ADGRG4: variants seen among roughly 807,000 people sequenced by gnomAD.
ADGRG4 encodes the protein G protein-coupled receptor 112.
In ADGRG4, 122 loss-of-function variants were observed where a neutral mutation model predicts 126.2. That is an observed-to-expected ratio of 0.97 (90% CI 0.83 to 1.12). The LOEUF (loss-of-function observed/expected upper bound fraction) is 1.12, where lower values mean the gene tolerates loss of function less well. ADGRG4 is among the 50% of genes most tolerant of loss of function. ADGRG4 has a pLI of 0.00. For synonymous variants in ADGRG4, 943 were observed against 838.7 expected (o/e 1.12, Z -2.15); for missense variants, 2,481 against 2,251.8 (o/e 1.10, Z -2.06).
In ADGRG4 at chrX:136,347,993, T is replaced by C. The variant is rs1405974690; in HGVS notation, c.4287T>C (p.Pro1429=). 8.3e-7 allele frequency: 1 copy of C among 1,211,041 alleles called. No homozygotes were observed. The highest frequency in any genetic ancestry group is 2.2e-5 in the Admixed American group (1 of 46,023). The change falls in exon 6 of 26, where the codon CCT becomes CCC. Residue 1429 remains proline (P), a synonymous_variant. Transcript: ENST00000394143. ...CCAGCTCAACAAGGATATCAAATCCTATGGACATCAATACAACTTTTTCAC... is the reference window on the plus strand; with the variant it reads ...CCAGCTCAACAAGGATATCAAATCCCATGGACATCAATACAACTTTTTCAC... ...TTSSSTRISN[P]MDINTTFSHL...
intron 5 of ADGRG4, among the ~76,000 whole-genome samples, chrX:136,332,400 T>G (rs1188908720): frequency 9.7e-6 from 1 of 102,652 alleles, no homozygotes; most frequent in Non-Finnish European, 2.0e-5. Flanking sequence ...TAATCCAGTC[T>G]ATCGTTGTTG....
intron 8 of ADGRG4, among the ~76,000 whole-genome samples, chrX:136,355,279 C>T (rs907942266): frequency 2.7e-5 from 3 of 109,638 alleles, no homozygotes; most frequent in African/African-American, 6.7e-5. Flanking sequence ...CATCAGGCAC[C>T]GATTCCATTC....
chrX:136,317,783 A>T (rs906834795), intron 4 of ADGRG4, among the ~76,000 whole-genome samples: 1 of 111,651 alleles, frequency 9.0e-6, no homozygotes, highest in African/African-American at 3.3e-5. Flanking sequence ...AAACATATTT[A>T]AAAAAATGCT....
chrX:136,361,886 T>A (rs2075131105), intron 12 of ADGRG4, among the ~76,000 whole-genome samples: 1 of 112,073 alleles, frequency 8.9e-6, no homozygotes, highest in Non-Finnish European at 1.9e-5. Flanking sequence ...TTGGCATATA[T>A]TTTTTTCATG....
Position 136,414,295 on chromosome X carries a change from A to T in ADGRG4, c.9173A>T (p.Gln3058Leu), listed in dbSNP as rs771072987. The T allele has an allele frequency of 1.3e-5, 16 of 1,202,796 alleles. No individual in the cohort carries two copies. The highest frequency in any genetic ancestry group is 4.5e-6 in the Non-Finnish European group (4 of 892,048). The change falls in exon 25 of 26, where the codon CAA becomes CTA. Residue 3058 changes from glutamine to leucine, a missense_variant. By Grantham distance (113) the Gln-to-Leu change is moderately radical. Transcript: ENST00000394143. ...ACTTTCAAATCTTTAGGCTCTGCAC[A>T]AGGCACACCTTCAGAAATAAGCTTT... ...SSTFKSLGSA[Q>L]GTPSEISFPN...
At position 136,348,308 on chromosome X, in the gene ADGRG4, A is replaced by G; in HGVS notation, c.4602A>G (p.Ile1534Met). 5.8e-6 allele frequency: 7 copies of G among 1,208,917 alleles called. No homozygotes were observed. Among genetic ancestry groups the G allele is most frequent in the Non-Finnish European group, 7.8e-6 (7 of 893,270 alleles). Residue 1534 changes from isoleucine to methionine, a missense_variant, in exon 6 of 26, where the codon ATA becomes ATG. By Grantham distance (10) the Ile-to-Met change is conservative. Transcript: ENST00000394143. ...AAAAAGTTTCTGACACTCCCCCAAT[A>G]GTGATAACTAAATCTTCTAAAACAA... ...TSKKVSDTPP[I>M]VITKSSKTMH...
chrX:136,331,893 T>A (rs2148456639), intron 5 of ADGRG4, among the ~76,000 whole-genome samples: 2 of 107,166 alleles, frequency 1.9e-5, no homozygotes, highest in East Asian at 5.9e-4. Flanking sequence ...CTCGGCTCAC[T>A]GCAAGCTCCG....
intron 16 of ADGRG4, among the ~76,000 whole-genome samples, chrX:136,390,828 G>A (rs1021324043): frequency 2.7e-5 from 3 of 110,733 alleles, no homozygotes; most frequent in East Asian, 5.7e-4. Flanking sequence ...AGAAAACTGC[G>A]TCACTTAGAC....
intron 15 of ADGRG4, among the ~76,000 whole-genome samples, chrX:136,386,624 A>T (rs1280319041): frequency 8.9e-6 from 1 of 112,030 alleles, no homozygotes; most frequent in Non-Finnish European, 1.9e-5. Context: ...CAATTCACTT[A>T]ATCTTTCTAC....
chrX:136,314,236 A>T lies in ADGRG4; in HGVS notation c.70+5389A>T, dbSNP rs986599450. ...AGTCTATTCTCCACACAGCAGCCAGAGTGATCCTTTAATATATCAAGTCAG... is the reference window on the plus strand; with the variant it reads ...AGTCTATTCTCCACACAGCAGCCAGTGTGATCCTTTAATATATCAAGTCAG... On this transcript the variant is annotated intron_variant, in intron 4 of 25. Coordinates refer to ENST00000394143, the MANE Select transcript of ADGRG4 (RefSeq NM_153834.4). 2.7e-5 allele frequency among the ~76,000 whole-genome samples: 3 copies of T among 111,568 alleles called. No individual in the cohort carries two copies. The Admixed American group carries it at 2.9e-4, about 11-fold the overall frequency.
chrX:136,353,530 C>T, intron 8 of ADGRG4, 129 bp downstream of exon 8: 1 of 480,576 alleles, frequency 2.1e-6, no homozygotes, highest in Non-Finnish European at 3.6e-6. Context: ...TTGCATCTTC[C>T]TTCCTGAGTA....
In ADGRG4 at chrX:136,307,934, A is replaced by G. The variant is rs572042335; in HGVS notation, c.-9-835A>G. ...GCTGGGTGAACATAATGAAATGGTG[A>G]TTAGATTTCTCTAAACAGATCTGTT... On this transcript the variant is annotated intron_variant, in intron 3 of 25. Coordinates refer to ENST00000394143, the MANE Select transcript of ADGRG4 (RefSeq NM_153834.4). Among the ~76,000 whole-genome samples, 4 of 112,656 alleles carry G rather than the reference A, an allele frequency of 3.6e-5. No homozygotes were observed. The South Asian group carries it at 1.1e-3, about 31-fold the overall frequency.
chrX:136,352,669 A>AGATAGGTG lies in ADGRG4; in HGVS notation c.6823-667_6823-660dup, dbSNP rs60116988. On this transcript the variant is annotated intron_variant, in intron 7 of 25. Transcript: ENST00000394143. The stretch of plus-strand genomic sequence containing the variant: ...AATAGCTGTCACTAAATGGCCTCCC[A>AGATAGGTG]GATAGGTGACACCAACTTGCACCAT... Among the ~76,000 whole-genome samples, 553 of 111,820 alleles carry AGATAGGTG rather than the reference A, an allele frequency of 4.9e-3. 5 individuals carry two copies. The highest frequency in any genetic ancestry group is 0.017 in the African/African-American group (527 of 30,828).
At chrX:136,353,187 C>A in intron 7 of ADGRG4, 150 bp from the exon 8 acceptor site, 1 of 460,239 alleles carries the variant, frequency 2.2e-6, no homozygotes, top group Non-Finnish European at 3.8e-6. Flanking sequence ...GCAGGTAAAA[C>A]GTAAATGGAA....
At chrX:136,370,591 T>G (rs1456783243) in intron 13 of ADGRG4, among the ~76,000 whole-genome samples, 3 of 112,149 alleles carry the variant, frequency 2.7e-5, no homozygotes, top group Non-Finnish European at 5.6e-5. Flanking sequence ...AGATACATAC[T>G]AAAGTATTTA....
In ADGRG4 at chrX:136,322,887, T is replaced by C. The variant is rs2074847698; in HGVS notation, c.180T>C (p.Asp60=). ...TCAGCCGATTCACAGCATGCATTGA[T>C]CTGGTATTCATGGATGACAACTCAA... The part of the protein sequence containing the change: ...PELSRFTACI[D]LVFMDDNSRY... Residue 60 remains aspartate (D), a synonymous_variant, in exon 5 of 26, where the codon GAT becomes GAC. Coordinates refer to ENST00000394143, the MANE Select transcript of ADGRG4 (RefSeq NM_153834.4). The C allele has an allele frequency of 2.5e-6, 3 of 1,210,196 alleles. No individual in the cohort carries two copies. Among genetic ancestry groups the C allele is most frequent in the Admixed American group, 2.2e-5 (1 of 45,794 alleles).
At chrX:136,380,577 T>TTCTTCCTCC (rs1405306693) in intron 15 of ADGRG4, among the ~76,000 whole-genome samples, 16 of 84,108 alleles carry the variant, frequency 1.9e-4, no homozygotes, top group Non-Finnish European at 2.7e-4. Context: ...CCTCTTCTTC[T>TTCTTCCTCC]TCCTCCTCCT....
chrX:136,326,725 C>A (rs2074875641), intron 5 of ADGRG4, among the ~76,000 whole-genome samples: 1 of 110,867 alleles, frequency 9.0e-6, no homozygotes, highest in Non-Finnish European at 1.9e-5. Context: ...ACAAAGGGGG[C>A]AATATATGAA....
chrX:136,333,406 G>A (rs111833501), intron 5 of ADGRG4, among the ~76,000 whole-genome samples: 6 of 105,052 alleles, frequency 5.7e-5, no homozygotes, highest in Non-Finnish European at 3.9e-5. Context: ...ACAGGCATGA[G>A]CCACCGCACC....
Sources: allele counts gnomAD v4.1 joint callset (sites outside exome capture counted in the v4.1 genomes callset), GRCh38; gene constraint gnomAD v4.1.1; transcripts MANE v1.5; gene names NCBI Gene and HGNC (gene_info 2026-07-23, HGNC 2026-07-21).